Variants in SRBD1 observed in about 807,000 individuals in gnomAD.
The protein encoded by SRBD1 is S1 RNA-binding domain-containing protein 1.
A neutral mutation model predicts 115.3 loss-of-function variants in SRBD1; 88 were observed. The ratio of observed to expected loss-of-function variants is 0.76; its 90% confidence interval spans 0.64 to 0.91. The LOEUF is 0.91. SRBD1 is among the 40% of genes least tolerant of loss of function. The pLI is 0.00. For missense variants in SRBD1, 1,385 were observed against 1,177.4 expected, an observed-to-expected ratio of 1.18 and a Z score of -2.58; for synonymous variants, 509 against 407.7, an observed-to-expected ratio of 1.25 and a Z score of -2.99.
intron 4 of SRBD1, among the ~76,000 whole-genome samples, chr2:45,588,234 C>T (rs1673606900): frequency 6.6e-6 from 1 of 152,160 alleles, no homozygotes; most frequent in South Asian, 2.1e-4. Context: ...ATTTGGAATC[C>T]AAACTCCTTA....
Position 45,550,004 on chromosome 2 carries a change from A to G in SRBD1, c.1675+1121T>C, listed in dbSNP as rs190908128. 1.7e-3 allele frequency among the ~76,000 whole-genome samples: 265 copies of G among 152,298 alleles called. 3 individuals carry two copies. The East Asian group carries it at 0.018, about 10-fold the overall frequency. ...AAATCTAAACTTAAAAAATTAAAAT[A>G]GTAAAGGCTAATAGAAAATAAAACA... is the stretch of plus-strand genomic sequence containing the variant. On this transcript the variant is annotated intron_variant, in intron 12 of 20. Transcript: ENST00000263736.
chr2:45,552,936 C>T (rs1216978503), intron 11 of SRBD1, among the ~76,000 whole-genome samples: 1 of 152,120 alleles, frequency 6.6e-6, no homozygotes, highest in Admixed American at 6.5e-5. Flanking sequence ...TACAAAACTA[C>T]AGTTTTCAAG....
At chr2:45,399,237 G>A (rs6719596) in intron 19 of SRBD1, among the ~76,000 whole-genome samples, 117,921 of 152,060 alleles carry the variant, frequency 0.78, 46,248 homozygotes, top group African/African-American at 0.86. Context: ...AACCAACAAA[G>A]AATAATTTAG....
chr2:45,446,574 A>C (rs1292078768), intron 16 of SRBD1, among the ~76,000 whole-genome samples: 1 of 152,198 alleles, frequency 6.6e-6, no homozygotes, highest in Non-Finnish European at 1.5e-5. Context: ...ATATTGAATA[A>C]GAAATCAAAT....
intron 9 of SRBD1, among the ~76,000 whole-genome samples, chr2:45,568,768 T>C (rs72617002): frequency 0.044 from 6,745 of 152,254 alleles, 240 homozygotes; most frequent in East Asian, 0.15. Flanking sequence ...TAAATCAACA[T>C]AAAAGGTGGA....
chr2:45,429,555 C>G (rs1478285132), intron 16 of SRBD1, among the ~76,000 whole-genome samples: 1 of 152,124 alleles, frequency 6.6e-6, no homozygotes, highest in Non-Finnish European at 1.5e-5. Context: ...ACATGATTAT[C>G]TCAATAGATG....
chr2:45,411,485 T>A (rs1667601043), intron 19 of SRBD1, among the ~76,000 whole-genome samples: 1 of 152,080 alleles, frequency 6.6e-6, no homozygotes, highest in Non-Finnish European at 1.5e-5. Context: ...TACAATTGTA[T>A]GGTAGAGGGA....
chr2:45,506,343 C>T (rs914352517), intron 14 of SRBD1, among the ~76,000 whole-genome samples: 9 of 152,128 alleles, frequency 5.9e-5, no homozygotes, highest in African/African-American at 1.7e-4. Flanking sequence ...TCTCTTATGG[C>T]ACAAGATAAA....
At chr2:45,494,248 A>G (rs1028760212) in intron 14 of SRBD1, among the ~76,000 whole-genome samples, 2 of 152,206 alleles carry the variant, frequency 1.3e-5, no homozygotes, top group African/African-American at 2.4e-5. Flanking sequence ...AACATGTATT[A>G]TTACTTTAAT....
intron 10 of SRBD1, among the ~76,000 whole-genome samples, chr2:45,557,811 T>C (rs1004247957): frequency 1.3e-5 from 2 of 152,196 alleles, no homozygotes; most frequent in Non-Finnish European, 2.9e-5. Flanking sequence ...TCTCAAAACT[T>C]GATTCTTCCT....
intron 16 of SRBD1, among the ~76,000 whole-genome samples, chr2:45,459,020 A>C (rs1358603419): frequency 3.9e-5 from 6 of 152,106 alleles, no homozygotes; most frequent in Admixed American, 6.6e-5. Context: ...GCTGTTTCTT[A>C]TTGCCAACCG....
At chr2:45,489,217 T>C (rs560973759) in intron 14 of SRBD1, among the ~76,000 whole-genome samples, 8 of 152,316 alleles carry the variant, frequency 5.3e-5, no homozygotes, top group African/African-American at 1.9e-4. Flanking sequence ...CTCTATACCA[T>C]GTGACCATGT....
intron 15 of SRBD1, among the ~76,000 whole-genome samples, chr2:45,483,934 G>A (rs1382359403): frequency 6.6e-6 from 1 of 152,072 alleles, no homozygotes; most frequent in East Asian, 1.9e-4. Flanking sequence ...ACATAATGGA[G>A]GTAGACTGAA....
intron 4 of SRBD1, among the ~76,000 whole-genome samples, chr2:45,592,487 G>A (rs756101282): frequency 6.6e-5 from 10 of 152,078 alleles, no homozygotes; most frequent in Non-Finnish European, 1.0e-4. Flanking sequence ...GGTCTCTTCC[G>A]AGCATACTTT....
Position 45,434,009 on chromosome 2 carries a change from G to C in SRBD1, c.2050-14115C>G, listed in dbSNP as rs903602792. On this transcript the variant is annotated intron_variant, in intron 16 of 20. Transcript: ENST00000263736. The stretch of plus-strand genomic sequence containing the variant: ...AACACAGATTGAAGCATGGCCAGTG[G>C]TCATAAGAGGGAAAAAAATAAACAG... Among the ~76,000 whole-genome samples the C allele has an allele frequency of 2.6e-5, 4 of 152,128 alleles. No individual in the cohort carries two copies. In the South Asian group the frequency reaches 8.3e-4, roughly 32 times the overall value.
chr2:45,430,482 T>C (rs1668298776), intron 16 of SRBD1, among the ~76,000 whole-genome samples: 1 of 152,056 alleles, frequency 6.6e-6, no homozygotes, highest in Non-Finnish European at 1.5e-5. Context: ...CCCTCAGCAA[T>C]AACGTCACAC....
chr2:45,416,635 T>A (rs1156517094), intron 18 of SRBD1, among the ~76,000 whole-genome samples: 1 of 152,208 alleles, frequency 6.6e-6, no homozygotes, highest in African/African-American at 2.4e-5. Flanking sequence ...ATTTTTAAAA[T>A]AATAAACATA....
At chr2:45,587,402 C>A (rs1411417415) in intron 4 of SRBD1, among the ~76,000 whole-genome samples, 2 of 151,468 alleles carry the variant, frequency 1.3e-5, no homozygotes, top group East Asian at 3.9e-4. Flanking sequence ...AAAAGTCAGC[C>A]CGGAAAAGAG....
chr2:45,481,304 C>T (rs935605683), intron 15 of SRBD1, among the ~76,000 whole-genome samples: 3 of 152,092 alleles, frequency 2.0e-5, no homozygotes, highest in Middle Eastern at 6.8e-3. Context: ...ATCAAGAATG[C>T]GTTATTTAGT....
Sources: gnomAD v4.1 joint callset for allele counts (sites outside exome capture counted in the v4.1 genomes callset) on GRCh38, gnomAD v4.1.1 for gene constraint, MANE v1.5 for transcripts, NCBI Gene and HGNC (gene_info 2026-07-23, HGNC 2026-07-21) for gene names.